Variants in DLGAP2 observed in about 807,000 individuals in gnomAD.
DLGAP2 encodes disks large-associated protein 2.
DLGAP2 carries 26 observed loss-of-function variants against 100.3 expected under a neutral mutation model. The ratio of observed to expected loss-of-function variants is 0.26; its 90% CI spans 0.19 to 0.36. The LOEUF (loss-of-function observed/expected upper bound fraction) is 0.36. Among genes scored for constraint, DLGAP2 ranks in the 10% least tolerant of loss-of-function variants. DLGAP2 has a pLI of 1.00. For missense variants in DLGAP2, 1,858 were observed against 1,453.2 expected, an observed-to-expected ratio of 1.28 and a Z score of -4.53; for synonymous variants, 886 against 630.1, an observed-to-expected ratio of 1.41 and a Z score of -6.08.
At chr8:899,002 T>C (rs1165729954) in intron 1 of DLGAP2, among the ~76,000 whole-genome samples, 1 of 152,192 alleles carries the variant, frequency 6.6e-6, no homozygotes, top group Non-Finnish European at 1.5e-5. Flanking sequence ...AGAAGGTGTT[T>C]AACAAGCCCC....
At chr8:1,048,701 G>A (rs568411106) in intron 2 of DLGAP2, among the ~76,000 whole-genome samples, 8 of 152,090 alleles carry the variant, frequency 5.3e-5, no homozygotes, top group African/African-American at 1.4e-4. Context: ...GATGCCGCCC[G>A]AGGCCCTAGA....
chr8:1,561,045 T>C (rs929044091), intron 5 of DLGAP2, among the ~76,000 whole-genome samples: 1 of 152,162 alleles, frequency 6.6e-6, no homozygotes, highest in Non-Finnish European at 1.5e-5. Flanking sequence ...GGTGACTGAA[T>C]CATGGGGTGG....
chr8:1,149,437 G>A (rs1201226952), intron 2 of DLGAP2, among the ~76,000 whole-genome samples: 7 of 152,234 alleles, frequency 4.6e-5, no homozygotes, highest in Admixed American at 2.6e-4. Flanking sequence ...ACCAGCCACC[G>A]CGCCTGGCCT....
chr8:1,441,546 G>C (rs1797832410), intron 3 of DLGAP2, among the ~76,000 whole-genome samples: 1 of 151,976 alleles, frequency 6.6e-6, no homozygotes, highest in African/African-American at 2.4e-5. Context: ...AAATTAGCCA[G>C]GCGTGTTGGT....
At chr8:1,650,857 A>T (rs972070911) in intron 8 of DLGAP2, among the ~76,000 whole-genome samples, 5 of 139,192 alleles carry the variant, frequency 3.6e-5, no homozygotes, top group African/African-American at 1.5e-4. Context: ...GAGAGTAGAC[A>T]CAGAAGCTTG....
chr8:1,176,824 A>G (rs958127108), intron 2 of DLGAP2, among the ~76,000 whole-genome samples: 2 of 152,106 alleles, frequency 1.3e-5, no homozygotes, highest in South Asian at 2.1e-4. Context: ...CATTCTCTCA[A>G]CACACCCTCT....
intron 2 of DLGAP2, among the ~76,000 whole-genome samples, chr8:1,103,537 G>A (rs74531441): frequency 7.5e-5 from 4 of 53,138 alleles, no homozygotes; most frequent in Non-Finnish European, 1.2e-4. Flanking sequence ...GATGACTGGC[G>A]GGGCCTTGGT....
chr8:1,648,180 T>C (rs190034286), intron 8 of DLGAP2, among the ~76,000 whole-genome samples: 13 of 152,336 alleles, frequency 8.5e-5, no homozygotes, highest in Non-Finnish European at 1.5e-4. Flanking sequence ...TCCTTTTCTA[T>C]TGAGAGTTTG....
At chr8:1,493,615 A>C (rs1799456855) in intron 3 of DLGAP2, among the ~76,000 whole-genome samples, 1 of 152,214 alleles carries the variant, frequency 6.6e-6, no homozygotes, top group Non-Finnish European at 1.5e-5. Context: ...TGAAGGCTTC[A>C]CATTCTAATC....
At chr8:833,498 G>C (rs1796818356) in intron 1 of DLGAP2, among the ~76,000 whole-genome samples, 1 of 152,144 alleles carries the variant, frequency 6.6e-6, no homozygotes, top group South Asian at 2.1e-4. Flanking sequence ...CATCTGCAAA[G>C]CCAGCAGCAG....
intron 3 of DLGAP2, among the ~76,000 whole-genome samples, chr8:1,471,922 A>G (rs1205181786): frequency 6.6e-6 from 1 of 152,174 alleles, no homozygotes; most frequent in African/African-American, 2.4e-5. Flanking sequence ...TGTGATTGCA[A>G]CCACTTCTTG....
chr8:1,668,701 C>G, intron 9 of DLGAP2, 23 bp downstream of exon 9: 1 of 1,496,346 alleles, frequency 6.7e-7, no homozygotes, highest in Non-Finnish European at 8.9e-7. Flanking sequence ...GGCCGCCCGT[C>G]AGGGCCTCGC....
At chr8:987,498 G>T (rs1031220186) in intron 2 of DLGAP2, among the ~76,000 whole-genome samples, 1 of 152,118 alleles carries the variant, frequency 6.6e-6, no homozygotes. Flanking sequence ...CAGTTCTGCC[G>T]GACGCCCCCA....
chr8:1,304,947 A>T (rs1359209753), intron 3 of DLGAP2, among the ~76,000 whole-genome samples: 6 of 152,236 alleles, frequency 3.9e-5, no homozygotes, highest in Non-Finnish European at 8.8e-5. Context: ...TCATATATAT[A>T]CCCAGCTGAA....
At chr8:1,303,114 GGGGT>G (rs1563071871) in intron 3 of DLGAP2, among the ~76,000 whole-genome samples, 1 of 152,184 alleles carries the variant, frequency 6.6e-6, no homozygotes, top group Non-Finnish European at 1.5e-5. Flanking sequence ...AAAGGAGGAA[GGGGT>G]GGGGCGCGGT....
chr8:1,078,074 C>G (rs554304829), intron 2 of DLGAP2, among the ~76,000 whole-genome samples: 1 of 152,244 alleles, frequency 6.6e-6, no homozygotes, highest in Non-Finnish European at 1.5e-5. Flanking sequence ...GTGAGGGTTA[C>G]CTTCTGTCCC....
Position 1,243,887 on chromosome 8 carries a change from C to A in DLGAP2, c.74-14964C>A, listed in dbSNP as rs182562947. On this transcript the variant is annotated intron_variant, in intron 2 of 14. Transcript: ENST00000637795. ...ACTATCCACATGATTAAGTCCAGTG[C>A]CTCAGCATCTGTTCTCTTATTAAAG... 2.5e-3 allele frequency among the ~76,000 whole-genome samples: 386 copies of A among 152,356 alleles called. 2 individuals are homozygous for A. Among genetic ancestry groups the A allele is most frequent in the African/African-American group, 8.1e-3 (336 of 41,584 alleles).
Position 1,645,340 on chromosome 8 carries a change from T to G in DLGAP2, c.1810+12294T>G, listed in dbSNP as rs1585028276. The stretch of plus-strand genomic sequence containing the variant: ...GAATTCGAGGAGATAGTCAACACAT[T>G]ATAAAACAGGCATTAAGTGAGACGA... On this transcript the variant is annotated intron_variant, in intron 8 of 14. Transcript: ENST00000637795. Among the ~76,000 whole-genome samples, 3 of 152,324 alleles carry G rather than the reference T, an allele frequency of 2.0e-5. No homozygotes were observed. The East Asian group carries it at 5.8e-4, about 29-fold the overall frequency.
chr8:1,118,051 C>T (rs1276703761), intron 2 of DLGAP2, among the ~76,000 whole-genome samples: 1 of 152,168 alleles, frequency 6.6e-6, no homozygotes, highest in Non-Finnish European at 1.5e-5. Context: ...TTCATTTGGT[C>T]TTAAGTGGTT....
Sources: gnomAD v4.1 joint callset for allele counts (sites outside exome capture counted in the v4.1 genomes callset) on GRCh38, gnomAD v4.1.1 for gene constraint, MANE v1.5 for transcripts, NCBI Gene and HGNC (gene_info 2026-07-23, HGNC 2026-07-21) for gene names.